The following RTN4 variants were observed in gnomAD, a reference collection of about 807,000 sequenced individuals.
RTN4 encodes the protein reticulon-4.
RTN4 carries 32 observed loss-of-function variants against 90.4 expected under a neutral mutation model. The ratio of observed to expected loss-of-function variants is 0.35; its 90% CI spans 0.27 to 0.48. RTN4 has a LOEUF of 0.48. Ranked by LOEUF, RTN4 falls within the 20% of genes least tolerant of loss-of-function variation. RTN4 has a pLI of 0.99. For synonymous variants in RTN4, 629 were observed against 552.5 expected, an observed-to-expected ratio of 1.14 and a Z score of -1.94; for missense variants, 1,706 against 1,430.2, an observed-to-expected ratio of 1.19 and a Z score of -3.11.
At chr2:55,055,005 GAC>G (rs911585139), upstream of RTN4, among the ~76,000 whole-genome samples, 1 of 152,028 alleles carries the variant, frequency 6.6e-6, no homozygotes, top group African/African-American at 2.4e-5. Flanking sequence ...GTTAAGCATT[GAC>G]AGTTAGTGTT....
chr2:55,107,057 A>T (rs1192941741), intron 1 of RTN4, among the ~76,000 whole-genome samples: 5 of 152,116 alleles, frequency 3.3e-5, no homozygotes, highest in Admixed American at 6.6e-5. Context: ...TGATGTTAAT[A>T]AAAACAAAAT....
chr2:55,025,322 G>A lies in RTN4; in HGVS notation c.2777C>T (p.Pro926Leu), dbSNP rs756090087. The change falls in exon 3 of 9, where the codon CCC becomes CTC. Residue 926 changes from proline (P) to leucine (L), a missense_variant. Coordinates refer to ENST00000337526, the MANE Select transcript of RTN4 (RefSeq NM_020532.5). The stretch of plus-strand genomic sequence containing the variant: ...GAAACTGATTTTCTCTTCAACTTTG[G>A]GTTGTATGTTCTTCAAAGAAAGGTC... The part of the protein sequence containing the change: ...PHDLSLKNIQ[P>L]KVEEKISFSD... 6.2e-7 allele frequency: 1 copy of A among 1,613,906 alleles called. No homozygotes were observed. The highest frequency in any genetic ancestry group is 1.1e-5 in the South Asian group (1 of 91,078).
chr2:55,109,395 G>A (rs1338965931), intron 1 of RTN4, among the ~76,000 whole-genome samples: 1 of 152,042 alleles, frequency 6.6e-6, no homozygotes, highest in Non-Finnish European at 1.5e-5. Context: ...GATCACTTCT[G>A]GTATTAACTG....
intron 1 of RTN4, among the ~76,000 whole-genome samples, chr2:55,083,314 G>A (rs967907871): frequency 2.0e-5 from 3 of 152,284 alleles, no homozygotes; most frequent in African/African-American, 7.2e-5. Flanking sequence ...TGGCCAACGT[G>A]GCAAAACCCC....
chr2:55,041,595 G>A (rs113752503), intron 1 of RTN4, among the ~76,000 whole-genome samples: 194 of 152,016 alleles, frequency 1.3e-3, no homozygotes, highest in African/African-American at 4.2e-3. Flanking sequence ...ACTTCAAAGT[G>A]GTTAAGAAGG....
At chr2:54,989,956 T>C (rs960504943) in intron 3 of RTN4, among the ~76,000 whole-genome samples, 20 of 152,142 alleles carry the variant, frequency 1.3e-4, no homozygotes, top group African/African-American at 4.8e-4. Flanking sequence ...CAGCCCTTGG[T>C]AGGATCACTC....
At chr2:55,082,248 G>A (rs1668734763) in intron 1 of RTN4, among the ~76,000 whole-genome samples, 1 of 152,178 alleles carries the variant, frequency 6.6e-6, no homozygotes, top group Non-Finnish European at 1.5e-5. Flanking sequence ...TTCACCTGAT[G>A]CTTTGGTCTC....
At chr2:55,123,185 A>G in the RTN4 span, among the ~76,000 whole-genome samples, 14 of 152,222 alleles carry the variant, frequency 9.2e-5, no homozygotes, top group Non-Finnish European at 1.8e-4. Flanking sequence ...TAGAATGCAT[A>G]AATAGGCATT....
intron 1 of RTN4, among the ~76,000 whole-genome samples, chr2:55,036,263 A>C (rs145768224): frequency 1.5e-3 from 228 of 152,306 alleles, no homozygotes; most frequent in African/African-American, 5.3e-3. Flanking sequence ...AATCATCACC[A>C]AATGGGGTTT....
rs935580905 is a variant in RTN4 at position 55,111,017 on chromosome 2, G to A, written c.-214+1503C>T. 2.6e-5 allele frequency among the ~76,000 whole-genome samples: 4 copies of A among 151,896 alleles called. No individual in the cohort carries two copies. The East Asian group carries it at 7.7e-4, about 29-fold the overall frequency. On this transcript the variant is annotated intron_variant, in intron 1 of 3. Transcript: ENST00000427710. ...GATCGTACCACGGTACTCCAGCCGG[G>A]GCAACTGAGTAAGACTGTGTCTCAA...
At chr2:55,017,208 T>C (rs899799386) in intron 3 of RTN4, among the ~76,000 whole-genome samples, 2 of 152,168 alleles carry the variant, frequency 1.3e-5, no homozygotes, top group African/African-American at 4.8e-5. Context: ...AATAAAAATA[T>C]ATTTTAAACA....
At chr2:55,010,366 A>C in intron 3 of RTN4, 2 of 1,315,606 alleles carry the variant, frequency 1.5e-6, no homozygotes, top group East Asian at 2.8e-5. Flanking sequence ...CTTTCCTTCT[A>C]TCTGTTGATT....
Position 55,049,834 on chromosome 2 carries a change from T to C in RTN4, c.467A>G (p.Glu156Gly), listed in dbSNP as rs1667999243. 7.7e-7 allele frequency: 1 copy of C among 1,303,712 alleles called. No homozygotes were observed. The highest frequency in any genetic ancestry group is 1.6e-5 in the African/African-American group (1 of 64,132). The allele number at this position is 1,303,712 out of a possible 1,614,324, so 80.8% of individuals were successfully genotyped here. The change falls in exon 1 of 9, where the codon GAG becomes GGG. Residue 156 changes from glutamate to glycine, a missense_variant. By Grantham distance (98) the Glu-to-Gly change is moderately conservative. Coordinates refer to ENST00000337526, the MANE Select transcript of RTN4 (RefSeq NM_020532.5). Reference protein sequence around the residue: ...PPPASVSPQAEPVWTPPAPAP... With the variant: ...PPPASVSPQAGPVWTPPAPAP... ...CGGGGCTGGCGGGGTCCACACGGGC[T>C]CTGCCTGGGGGCTCACGCTGGCCGG...
the RTN4 span, among the ~76,000 whole-genome samples, chr2:55,119,128 C>A: frequency 1.3e-5 from 2 of 152,138 alleles, no homozygotes; most frequent in Non-Finnish European, 2.9e-5. Context: ...ATGGACTGCC[C>A]AATTATTACA....
At chr2:54,979,052 AT>A (rs148796765) in intron 5 of RTN4, among the ~76,000 whole-genome samples, 2,389 of 144,222 alleles carry the variant, frequency 0.017, 39 homozygotes, top group African/African-American at 0.042. Flanking sequence ...GATTTTAATA[AT>A]TTTTTTTTTT....
At chr2:55,081,437 T>G (rs1208597268) in intron 1 of RTN4, among the ~76,000 whole-genome samples, 1 of 152,112 alleles carries the variant, frequency 6.6e-6, no homozygotes, top group Non-Finnish European at 1.5e-5. Context: ...TCTGTCTAAT[T>G]TAAATGGCAT....
At chr2:55,112,160 T>G (rs911815357) in intron 1 of RTN4, among the ~76,000 whole-genome samples, 1 of 152,196 alleles carries the variant, frequency 6.6e-6, no homozygotes, top group Non-Finnish European at 1.5e-5. Context: ...ATATGAGGCC[T>G]ACCTTCCCAG....
At chr2:55,031,400 A>G (rs911355761) in intron 1 of RTN4, among the ~76,000 whole-genome samples, 8 of 152,204 alleles carry the variant, frequency 5.3e-5, no homozygotes, top group African/African-American at 1.7e-4. Context: ...AATTTGTGAG[A>G]CAGGGTAACA....
chr2:55,050,952 G>T (rs1345223191), upstream of RTN4: 1 of 152,220 alleles, frequency 6.6e-6, no homozygotes, highest in South Asian at 2.1e-4. The surrounding 1 kb of genome is among the most constrained non-coding windows in gnomAD (Gnocchi z 4.6). Context: ...TCCCGGGAAA[G>T]GAAGAAACCC....
Sources: allele counts gnomAD v4.1 joint callset (sites outside exome capture counted in the v4.1 genomes callset), GRCh38; gene constraint gnomAD v4.1.1; non-coding constraint Gnocchi (gnomAD v3.1); transcripts MANE v1.5; gene names NCBI Gene and HGNC (gene_info 2026-07-23, HGNC 2026-07-21).